The following CERS6 variants were observed in gnomAD, a reference collection of about 807,000 sequenced individuals.
CERS6 encodes the protein LAG1 homolog, ceramide synthase 6.
CERS6 carries 26 observed loss-of-function variants against 56.8 expected under a neutral mutation model. The observed-to-expected ratio is 0.46, with a 90% CI of 0.34 to 0.63. CERS6 has a LOEUF of 0.63. Among genes scored for constraint, CERS6 ranks in the 30% least tolerant of loss-of-function variants. The pLI is 0.01. For synonymous variants in CERS6, 164 were observed against 173.3 expected, an observed-to-expected ratio of 0.95 and a Z score of 0.42; for missense variants, 415 against 467.5, an observed-to-expected ratio of 0.89 and a Z score of 1.04.
intron 6 of CERS6, among the ~76,000 whole-genome samples, chr2:168,714,745 A>G (rs774724981): frequency 5.3e-5 from 8 of 152,166 alleles, no homozygotes; most frequent in East Asian, 1.9e-4. Context: ...GTCACCATCT[A>G]TGAACAAGGA....
intron 5 of CERS6, among the ~76,000 whole-genome samples, chr2:168,693,437 G>T (rs1157835053): frequency 6.6e-6 from 1 of 152,040 alleles, no homozygotes; most frequent in Non-Finnish European, 1.5e-5. Context: ...CTTTCCCCAG[G>T]TGGTGATGTG....
At chr2:168,633,563 T>G (rs1312159611) in intron 4 of CERS6, among the ~76,000 whole-genome samples, 3 of 152,210 alleles carry the variant, frequency 2.0e-5, no homozygotes, top group Non-Finnish European at 4.4e-5. Context: ...TCAGCATGAT[T>G]TCTGAGTGAC....
chr2:168,565,299 A>G (rs1320296049), intron 3 of CERS6, among the ~76,000 whole-genome samples: 2 of 152,198 alleles, frequency 1.3e-5, no homozygotes, highest in Non-Finnish European at 2.9e-5. Flanking sequence ...TTTTCAAAAT[A>G]CACGTGCCCG....
At chr2:168,734,221 T>C (rs1683643123) in intron 8 of CERS6, among the ~76,000 whole-genome samples, 1 of 152,132 alleles carries the variant, frequency 6.6e-6, no homozygotes, top group Admixed American at 6.5e-5. Context: ...GGACGTAGAC[T>C]ACTTGTTTAA....
chr2:168,479,701 T>C (rs1474170252), intron 1 of CERS6, among the ~76,000 whole-genome samples: 2 of 152,124 alleles, frequency 1.3e-5, no homozygotes, highest in Non-Finnish European at 2.9e-5. Flanking sequence ...CTCCTCCTCC[T>C]GTGTTTAAGT....
At chr2:168,474,204 C>G (rs143892522) in intron 1 of CERS6, among the ~76,000 whole-genome samples, 1 of 152,272 alleles carries the variant, frequency 6.6e-6, no homozygotes, top group East Asian at 1.9e-4. Flanking sequence ...AATGTGATGG[C>G]ACAGCATCCC....
intron 3 of CERS6, among the ~76,000 whole-genome samples, chr2:168,614,056 T>C (rs1684251042): frequency 6.6e-6 from 1 of 152,204 alleles, no homozygotes; most frequent in African/African-American, 2.4e-5. Flanking sequence ...CTGGCATTTA[T>C]TGGAAAAATG....
chr2:168,700,896 T>C (rs903456460), intron 6 of CERS6, among the ~76,000 whole-genome samples: 1 of 152,190 alleles, frequency 6.6e-6, no homozygotes, highest in African/African-American at 2.4e-5. Flanking sequence ...CTCCAGATAC[T>C]GCCAGTTCTT....
intron 1 of CERS6, among the ~76,000 whole-genome samples, chr2:168,482,973 G>A (rs10497342): frequency 0.044 from 6,657 of 152,266 alleles, 283 homozygotes; most frequent in African/African-American, 0.11. Flanking sequence ...TCTTGCATGT[G>A]ATAGTCTGGA....
intron 8 of CERS6, among the ~76,000 whole-genome samples, chr2:168,722,012 C>G (rs140673035): frequency 6.6e-6 from 1 of 152,040 alleles, no homozygotes; most frequent in Non-Finnish European, 1.5e-5. Flanking sequence ...CCAACACTTA[C>G]GATTTTTCAT....
chr2:168,627,987 G>T (rs757452779), intron 3 of CERS6, among the ~76,000 whole-genome samples: 8 of 151,944 alleles, frequency 5.3e-5, no homozygotes, highest in African/African-American at 1.2e-4. Context: ...TCTGTGCAAT[G>T]CTCCTTTATT....
intron 1 of CERS6, among the ~76,000 whole-genome samples, chr2:168,502,166 A>C (rs1694594416): frequency 1.3e-5 from 2 of 151,902 alleles, no homozygotes; most frequent in Non-Finnish European, 2.9e-5. Context: ...TTGTTGGATC[A>C]TTTTGTCTGG....
At chr2:168,489,766 A>G (rs1056123523) in intron 1 of CERS6, among the ~76,000 whole-genome samples, 3 of 151,964 alleles carry the variant, frequency 2.0e-5, no homozygotes, top group Non-Finnish European at 4.4e-5. Context: ...CTTTCCATTC[A>G]TTCCATATCA....
At chr2:168,480,997 A>G (rs978403161) in intron 1 of CERS6, among the ~76,000 whole-genome samples, 1 of 152,176 alleles carries the variant, frequency 6.6e-6, no homozygotes, top group Admixed American at 6.5e-5. Context: ...TACTGGTGCT[A>G]TGTAGAGAAA....
chr2:168,457,502 C>T (rs916981994), intron 1 of CERS6, among the ~76,000 whole-genome samples: 11 of 152,148 alleles, frequency 7.2e-5, no homozygotes, highest in Admixed American at 2.0e-4. Flanking sequence ...GCCATGCATT[C>T]TCTGGGTGCT....
At chr2:168,615,990 A>G (rs1367408190) in intron 3 of CERS6, among the ~76,000 whole-genome samples, 1 of 152,180 alleles carries the variant, frequency 6.6e-6, no homozygotes, top group African/African-American at 2.4e-5. Context: ...GTAACCTATA[A>G]AGGAAAACCT....
intron 9 of CERS6, chr2:168,766,245 A>G (rs775591321): frequency 1.7e-5 from 23 of 1,371,980 alleles, no homozygotes; most frequent in Admixed American, 1.3e-4. Context: ...CCCTGTGTGT[A>G]GAGCAGAGAC....
intron 3 of CERS6, among the ~76,000 whole-genome samples, chr2:168,602,113 G>T (rs1233249392): frequency 6.6e-6 from 1 of 152,184 alleles, no homozygotes; most frequent in African/African-American, 2.4e-5. Context: ...AGCAGTAATA[G>T]AAGAAGTGAG....
chr2:168,474,299 C>T (rs1292489671), intron 1 of CERS6, among the ~76,000 whole-genome samples: 3 of 152,154 alleles, frequency 2.0e-5, no homozygotes, highest in Non-Finnish European at 4.4e-5. Flanking sequence ...CCTATACAGA[C>T]TTCTTTGCAT....
Sources: allele counts gnomAD v4.1 joint callset (sites outside exome capture counted in the v4.1 genomes callset), GRCh38; gene constraint gnomAD v4.1.1; transcripts MANE v1.5; gene names NCBI Gene and HGNC (gene_info 2026-07-23, HGNC 2026-07-21).